Variants in PDZRN3 observed in about 807,000 individuals in gnomAD.
PDZRN3 encodes the protein PDZ domain containing ring finger 3.
In PDZRN3, 38 loss-of-function variants were observed where a neutral mutation model predicts 85.7. The observed-to-expected ratio is 0.44, with a 90% confidence interval of 0.34 to 0.58. The LOEUF (loss-of-function observed/expected upper bound fraction) is 0.58, where lower values mean the gene tolerates loss of function less well. Ranked by LOEUF, PDZRN3 falls within the 20% of genes least tolerant of loss-of-function variation. PDZRN3 has a pLI of 0.01. For synonymous variants in PDZRN3, 759 were observed against 638.0 expected, an observed-to-expected ratio of 1.19 and a Z score of -2.86; for missense variants, 1,629 against 1,506.4, an observed-to-expected ratio of 1.08 and a Z score of -1.35.
At chr3:73,592,518 G>A (rs1158463231) in intron 3 of PDZRN3, among the ~76,000 whole-genome samples, 2 of 152,098 alleles carry the variant, frequency 1.3e-5, no homozygotes, top group East Asian at 3.9e-4. Flanking sequence ...AGAGCCTAAA[G>A]GGCAGAGGGG....
rs202184460 is a variant in PDZRN3 at position 73,565,117 on chromosome 3, ATTTTTTTTT to A, written c.918+37228_918+37236del. Among the ~76,000 whole-genome samples, 888 of 138,904 alleles carry A rather than the reference ATTTTTTTTT, an allele frequency of 6.4e-3. 6 individuals are homozygous for A. Among genetic ancestry groups the A allele is most frequent in the African/African-American group, 0.024 (836 of 34,810 alleles). 91.1% of individuals were successfully genotyped at this position (138,904 alleles called of 152,430 possible). The stretch of plus-strand genomic sequence containing the variant: ...CTTTAGGGAAATACTATATCCACCA[ATTTTTTTTT>A]TTTTTTTTTTTTTTTTTTTTGAGAT... On this transcript the variant is annotated intron_variant, in intron 3 of 9. Transcript: ENST00000263666.
intron 3 of PDZRN3, among the ~76,000 whole-genome samples, chr3:73,510,958 T>C (rs1395441755): frequency 6.6e-6 from 1 of 152,166 alleles, no homozygotes; most frequent in Non-Finnish European, 1.5e-5. Context: ...AGCTGAAACC[T>C]TGGACAGAGA....
intron 3 of PDZRN3, among the ~76,000 whole-genome samples, chr3:73,413,758 A>G (rs1702020602): frequency 6.6e-6 from 1 of 151,970 alleles, no homozygotes. Flanking sequence ...CAAGAGGGAG[A>G]GGTGGGGCCC....
At chr3:73,435,973 C>G (rs1702523353) in intron 3 of PDZRN3, among the ~76,000 whole-genome samples, 1 of 152,174 alleles carries the variant, frequency 6.6e-6, no homozygotes, top group Admixed American at 6.5e-5. Context: ...CTGGTGGTCA[C>G]CACACTGCCA....
chr3:73,491,680 C>A (rs1168028804), intron 3 of PDZRN3, among the ~76,000 whole-genome samples: 2 of 150,100 alleles, frequency 1.3e-5, no homozygotes, highest in Non-Finnish European at 3.0e-5. Flanking sequence ...CTCACTGCAG[C>A]CTTGAATTCC....
chr3:73,614,681 G>A (rs1702734560), intron 1 of PDZRN3, among the ~76,000 whole-genome samples: 1 of 152,218 alleles, frequency 6.6e-6, no homozygotes, highest in African/African-American at 2.4e-5. Flanking sequence ...TGAAAGCACT[G>A]TATATTTGGC....
intron 3 of PDZRN3, among the ~76,000 whole-genome samples, chr3:73,525,706 C>T (rs1328206551): frequency 1.3e-5 from 2 of 152,218 alleles, no homozygotes; most frequent in African/African-American, 2.4e-5. Context: ...TCTAGGCTCA[C>T]ACATGGTGGT....
intron 3 of PDZRN3, among the ~76,000 whole-genome samples, chr3:73,497,789 C>T (rs1017392118): frequency 6.6e-5 from 10 of 151,220 alleles, no homozygotes; most frequent in South Asian, 2.1e-4. Flanking sequence ...CATTTAGGGC[C>T]GGCACAGCGC....
At chr3:73,513,158 A>AC in intron 3 of PDZRN3, among the ~76,000 whole-genome samples, 2 of 152,282 alleles carry the variant, frequency 1.3e-5, no homozygotes, top group South Asian at 4.2e-4. Context: ...AAACAGGGCA[A>AC]CCCAGGCTTC....
In PDZRN3 at chr3:73,624,609, G is replaced by C. The variant is rs1205584513; in HGVS notation, c.217C>G (p.Arg73Gly). 1 of 1,559,826 alleles carries C rather than the reference G, an allele frequency of 6.4e-7. No individual in the cohort carries two copies. Among genetic ancestry groups the C allele is most frequent in the African/African-American group, 1.4e-5 (1 of 70,834 alleles). Residue 73 changes from arginine to glycine, a missense_variant, in exon 1 of 10, where the codon CGC becomes GGC. Coordinates refer to ENST00000263666, the MANE Select transcript of PDZRN3 (RefSeq NM_015009.3). ...KELNHVLPLK[R>G]LILKLDIKCA... ...TTGATGTCCAGCTTGAGGATAAGGC[G>C]CTTGAGCGGCAGGACGTGGTTGAGC...
intron 3 of PDZRN3, among the ~76,000 whole-genome samples, chr3:73,453,624 T>C (rs958254866): frequency 6.6e-6 from 1 of 151,664 alleles, no homozygotes; most frequent in Admixed American, 6.6e-5. Flanking sequence ...TATATAATTA[T>C]ATATAATCAA....
intron 2 of PDZRN3, among the ~76,000 whole-genome samples, chr3:73,603,016 T>C (rs1200475788): frequency 2.6e-5 from 4 of 152,250 alleles, no homozygotes; most frequent in Non-Finnish European, 4.4e-5. Flanking sequence ...TTTGCTATTA[T>C]AGTTCTAGGG....
intron 3 of PDZRN3, among the ~76,000 whole-genome samples, chr3:73,595,517 T>C (rs903684399): frequency 3.9e-5 from 6 of 152,142 alleles, no homozygotes; most frequent in African/African-American, 1.2e-4. Context: ...GCAAGAAATA[T>C]CAAGTCTTTC....
At chr3:73,416,729 C>T (rs1575637297) in intron 3 of PDZRN3, among the ~76,000 whole-genome samples, 1 of 152,138 alleles carries the variant, frequency 6.6e-6, no homozygotes, top group Non-Finnish European at 1.5e-5. Context: ...TATTCCCTAG[C>T]CCCAGTGGGG....
At chr3:73,404,126 G>A (rs1025398073) in intron 4 of PDZRN3, 22 bp downstream of exon 4, 2 of 1,607,014 alleles carry the variant, frequency 1.2e-6, no homozygotes, top group Non-Finnish European at 1.7e-6. Context: ...ATGCATTAGG[G>A]GTTCAAGATT....
chr3:73,511,677 C>T (rs1346520435), intron 3 of PDZRN3, among the ~76,000 whole-genome samples: 1 of 152,184 alleles, frequency 6.6e-6, no homozygotes, highest in Non-Finnish European at 1.5e-5. Context: ...GCAGACAAAG[C>T]GGGGCATGTT....
chr3:73,459,092 C>T (rs754171016), intron 3 of PDZRN3, among the ~76,000 whole-genome samples: 10 of 151,960 alleles, frequency 6.6e-5, no homozygotes, highest in South Asian at 4.2e-4. Flanking sequence ...ACAATCACGG[C>T]GGAAGGCACC....
chr3:73,404,212 T>C lies in PDZRN3; in HGVS notation c.1102A>G (p.Met368Val). 2 of 1,612,348 alleles carry C rather than the reference T, an allele frequency of 1.2e-6. No homozygotes were observed. The highest frequency in any genetic ancestry group is 1.7e-6 in the Non-Finnish European group (2 of 1,178,434). ...TQTDITFEHI[M>V]ALTKMSSPSP... ...GGAGAGGACATCTTAGTGAGGGCCATGATATGTTCAAAGGTGATGTCGGTT... is the reference window on the plus strand; with the variant it reads ...GGAGAGGACATCTTAGTGAGGGCCACGATATGTTCAAAGGTGATGTCGGTT... Residue 368 changes from methionine to valine, a missense_variant, in exon 4 of 10, where the codon ATG becomes GTG. Met to Val is a conservative substitution (Grantham distance 21). Transcript: ENST00000263666.
At chr3:73,470,172 A>G (rs1034148374) in intron 3 of PDZRN3, among the ~76,000 whole-genome samples, 13 of 152,242 alleles carry the variant, frequency 8.5e-5, no homozygotes, top group Non-Finnish European at 1.9e-4. Flanking sequence ...AAAAATTAAA[A>G]TATTGAACAT....
Sources: gnomAD v4.1 joint callset for allele counts (sites outside exome capture counted in the v4.1 genomes callset) on GRCh38, gnomAD v4.1.1 for gene constraint, MANE v1.5 for transcripts, NCBI Gene and HGNC (gene_info 2026-07-23, HGNC 2026-07-21) for gene names.